Variants in SLC9A3 observed in about 807,000 individuals in gnomAD.
SLC9A3 encodes the protein solute carrier family 9 member A3, also known as sodium/hydrogen exchanger 3.
SLC9A3 carries 37 observed loss-of-function variants against 86.8 expected under a neutral mutation model. The observed-to-expected ratio is 0.43, with a 90% CI of 0.33 to 0.56. The LOEUF (loss-of-function observed/expected upper bound fraction) is 0.56. SLC9A3 is among the 20% of genes least tolerant of loss of function. The pLI is 0.06. For synonymous variants in SLC9A3, 581 were observed against 528.3 expected, an observed-to-expected ratio of 1.10 and a Z score of -1.37; for missense variants, 1,011 against 1,171.9, an observed-to-expected ratio of 0.86 and a Z score of 2.00.
At chr5:480,351 G>A (rs548287545) in intron 9 of SLC9A3, 1 of 176,012 alleles carries the variant, frequency 5.7e-6, no homozygotes, top group Non-Finnish European at 1.2e-5. Flanking sequence ...CCAGAGTGAG[G>A]TTTTTTTTAG....
intron 1 of SLC9A3, among the ~76,000 whole-genome samples, chr5:506,839 G>A (rs112147150): frequency 0.019 from 2,840 of 151,778 alleles, 91 homozygotes; most frequent in African/African-American, 0.063. Flanking sequence ...AGGCCAAGGT[G>A]GGTGGATCAC....
At chr5:489,413 C>T (rs528039113) in intron 2 of SLC9A3, among the ~76,000 whole-genome samples, 9 of 152,228 alleles carry the variant, frequency 5.9e-5, no homozygotes, top group East Asian at 1.9e-4. Flanking sequence ...GGCTGAGGCT[C>T]GGGCTGAGGA....
rs527463385 is a variant in SLC9A3 at position 486,159 on chromosome 5, T to G, written c.676-928A>C. Among the ~76,000 whole-genome samples the G allele has an allele frequency of 2.7e-3, 391 of 147,004 alleles. 1 individual carries two copies. The highest frequency in any genetic ancestry group is 9.3e-3 in the African/African-American group (374 of 40,092). ...CAAACCTTTCAAACCACAGGCACTTTCAGAGGGGAGAGGAAGCTGACCCCA... is the reference window on the plus strand; with the variant it reads ...CAAACCTTTCAAACCACAGGCACTTGCAGAGGGGAGAGGAAGCTGACCCCA... On this transcript the variant is annotated intron_variant, in intron 3 of 16. Coordinates refer to ENST00000264938, the MANE Select transcript of SLC9A3 (RefSeq NM_004174.4).
chr5:485,414 G>C (rs1739419750), intron 3 of SLC9A3, among the ~76,000 whole-genome samples, 183 bp from the exon 4 acceptor site: 2 of 152,244 alleles, frequency 1.3e-5, no homozygotes. Flanking sequence ...CAGCCAGCAA[G>C]ACATGGGGCA....
intron 1 of SLC9A3, among the ~76,000 whole-genome samples, chr5:505,967 G>A (rs893337381): frequency 2.6e-5 from 4 of 152,018 alleles, no homozygotes; most frequent in African/African-American, 9.7e-5. Flanking sequence ...CCTCTGAAAG[G>A]CTTTGAGGAG....
intron 1 of SLC9A3, among the ~76,000 whole-genome samples, chr5:523,897 C>G (rs1733957399): frequency 6.6e-6 from 1 of 152,318 alleles, no homozygotes; most frequent in South Asian, 2.1e-4. Context: ...AGGCTGTGCC[C>G]CCGCCGGGGA....
chr5:484,729 G>A (rs376568392), intron 4 of SLC9A3, 32 bp from the exon 5 acceptor site: 25 of 1,604,840 alleles, frequency 1.6e-5, no homozygotes, highest in Middle Eastern at 1.7e-4. Context: ...TGGCCGTGCC[G>A]GCCTTCCGGG....
At chr5:510,747 C>CA (rs1553999854) in intron 1 of SLC9A3, among the ~76,000 whole-genome samples, 1 of 151,742 alleles carries the variant, frequency 6.6e-6, no homozygotes, top group Admixed American at 6.6e-5. Flanking sequence ...GGGAATCCTG[C>CA]GGGGGGAAGG....
rs1342647897 is a variant in SLC9A3, at chr5:491,429, C to G, written c.514+340G>C. ...GCCCGATACACCAGGCTCTGCAGTC[C>G]TCCTCCTCTCCCTGGGACCTGGTGG... is the stretch of plus-strand genomic sequence containing the variant. On this transcript the variant is annotated intron_variant, in intron 2 of 16. Coordinates refer to ENST00000264938, the MANE Select transcript of SLC9A3 (RefSeq NM_004174.4). The surrounding 1 kb of genome is among the most constrained non-coding windows in gnomAD (Gnocchi z 9.2). 6.6e-6 allele frequency among the ~76,000 whole-genome samples: 1 copy of G among 152,162 alleles called. No homozygotes were observed. Among genetic ancestry groups the G allele is most frequent in the Non-Finnish European group, 1.5e-5 (1 of 68,024 alleles).
intron 1 of SLC9A3, among the ~76,000 whole-genome samples, chr5:520,605 G>C (rs372932693): frequency 1.1e-4 from 16 of 152,020 alleles, no homozygotes; most frequent in Non-Finnish European, 2.4e-4. Flanking sequence ...TGAGAACTCA[G>C]ATCTGACCAC....
At chr5:473,614 G>T (rs1289771305) in intron 16 of SLC9A3, among the ~76,000 whole-genome samples, 1 of 152,228 alleles carries the variant, frequency 6.6e-6, no homozygotes, top group African/African-American at 2.4e-5. Context: ...CCCCGCCGGG[G>T]GTCCCGGGAC....
intron 1 of SLC9A3, among the ~76,000 whole-genome samples, chr5:508,068 G>A (rs898053694): frequency 6.6e-6 from 1 of 152,234 alleles, no homozygotes; most frequent in Non-Finnish European, 1.5e-5. Flanking sequence ...TCGGCTTCTT[G>A]GCGCCCGCCC....
intron 3 of SLC9A3, among the ~76,000 whole-genome samples, chr5:487,920 G>A (rs1013240237): frequency 6.6e-6 from 1 of 151,996 alleles, no homozygotes. Context: ...CACCTGCCTC[G>A]GCCTCCCAAA....
chr5:524,291 C>A lies in SLC9A3; in HGVS notation c.32G>T (p.Arg11Leu). The change falls in exon 1 of 17, where the codon CGG becomes CTG. Residue 11 changes from arginine to leucine, a missense_variant. By Grantham distance (102) the Arg-to-Leu change is moderately radical. Around this residue, in one of 3 missense-constraint regions of SLC9A3, gnomAD observed 49 missense variants for 35.6 expected, o/e 1.38. Transcript: ENST00000264938. MWGLGARGPD[R>L]GLLLALALGG... The stretch of plus-strand genomic sequence containing the variant: ...CAGCGCCAGCGCCAGCAGCAGCCCC[C>A]GGTCGGGGCCCCGGGCCCCGAGTCC... 1.5e-6 allele frequency: 2 copies of A among 1,306,438 alleles called. No individual in the cohort carries two copies. The highest frequency in any genetic ancestry group is 3.8e-5 in the Admixed American group (1 of 26,178). The allele number at this position is 1,306,438 out of a possible 1,614,324, so 80.9% of individuals were successfully genotyped here.
chr5:477,506 T>TG, intron 10 of SLC9A3, 62 bp from the exon 11 acceptor site: 4 of 1,295,886 alleles, frequency 3.1e-6, no homozygotes, highest in Non-Finnish European at 4.4e-6. Flanking sequence ...GCTGCCATTG[T>TG]GTGCCCTGGG....
intron 1 of SLC9A3, among the ~76,000 whole-genome samples, chr5:513,589 G>C (rs939601377): frequency 6.6e-6 from 1 of 152,160 alleles, no homozygotes; most frequent in Non-Finnish European, 1.5e-5. Context: ...GGTGGGTCCT[G>C]GCCACGGGGT....
intron 2 of SLC9A3, among the ~76,000 whole-genome samples, chr5:489,699 C>A (rs1461607017): frequency 1.3e-5 from 2 of 152,188 alleles, no homozygotes; most frequent in Admixed American, 6.5e-5. Flanking sequence ...AAACTCAGGC[C>A]TCAGGACACG....
At chr5:515,016 C>T (rs1733682123) in intron 1 of SLC9A3, among the ~76,000 whole-genome samples, 1 of 152,176 alleles carries the variant, frequency 6.6e-6, no homozygotes, top group Non-Finnish European at 1.5e-5. Context: ...CTCGGGGATG[C>T]ACTCAAAGGC....
At chr5:501,594 A>C (rs13173342) in intron 1 of SLC9A3, among the ~76,000 whole-genome samples, 17,538 of 152,160 alleles carry the variant, frequency 0.12, 1,262 homozygotes, top group Admixed American at 0.17. Context: ...GCAGAGACAC[A>C]CAGAGGAGAC....
Sources: allele counts gnomAD v4.1 joint callset (sites outside exome capture counted in the v4.1 genomes callset), GRCh38; gene constraint gnomAD v4.1.1; regional missense constraint gnomAD v4.1.1; non-coding constraint Gnocchi (gnomAD v3.1); transcripts MANE v1.5; gene names NCBI Gene and HGNC (gene_info 2026-07-23, HGNC 2026-07-21).